ALMS1: variants seen among roughly 807,000 people sequenced by gnomAD.
The protein encoded by ALMS1 is centrosome-associated protein ALMS1.
Under a neutral mutation model 352.2 loss-of-function variants are expected in ALMS1, and 271 were observed. That is an observed-to-expected ratio of 0.77 (90% CI 0.70 to 0.85). The LOEUF is 0.85. Ranked by LOEUF, ALMS1 falls within the 40% of genes least tolerant of loss-of-function variation. The pLI, the probability that ALMS1 is intolerant of heterozygous loss-of-function variation, is 0.00. For synonymous variants in ALMS1, 1,865 were observed against 1,761.2 expected, an observed-to-expected ratio of 1.06 and a Z score of -1.48; for missense variants, 5,445 against 4,870.7, an observed-to-expected ratio of 1.12 and a Z score of -3.51.
Position 73,453,264 on chromosome 2 carries a change from C to G in ALMS1, c.6737C>G (p.Ser2246Cys). 2 of 1,613,892 alleles carry G rather than the reference C, an allele frequency of 1.2e-6. No homozygotes were observed. The highest frequency in any genetic ancestry group is 1.7e-6 in the Non-Finnish European group (2 of 1,179,978). The change falls in exon 8 of 23, where the codon TCT becomes TGT. Residue 2246 changes from serine (S) to cysteine (C), a missense_variant. Coordinates refer to ENST00000613296, the MANE Select transcript of ALMS1 (RefSeq NM_001378454.1). ...PESAGFRDVG[S>C]EEIQDAENSA... ...TCTGCAGGTTTTAGAGATGTTGGCTCTGAAGAAATCCAGGATGCAGAAAAT... is the reference window on the plus strand; with the variant it reads ...TCTGCAGGTTTTAGAGATGTTGGCTGTGAAGAAATCCAGGATGCAGAAAAT...
chr2:73,481,257 G>A (rs186187645), intron 9 of ALMS1, among the ~76,000 whole-genome samples: 67 of 152,206 alleles, frequency 4.4e-4, no homozygotes, highest in Non-Finnish European at 8.2e-4. Flanking sequence ...TTTTGTATAC[G>A]GTGTAAGGAA....
chr2:73,573,417 A>G lies in ALMS1; in HGVS notation c.11540A>G (p.His3847Arg), dbSNP rs1288402910. The G allele has an allele frequency of 1.2e-6, 2 of 1,614,034 alleles. No individual in the cohort carries two copies. The highest frequency in any genetic ancestry group is 2.2e-5 in the South Asian group (2 of 91,068). Residue 3847 changes from histidine to arginine, a missense_variant, in exon 16 of 23, where the codon CAC becomes CGC. By Grantham distance (29) the His-to-Arg change is conservative. Coordinates refer to ENST00000613296, the MANE Select transcript of ALMS1 (RefSeq NM_001378454.1). ...LVTSEHTRRR[H>R]IQVANHVISS... ...ACTTCTGAGCACACCAGAAGGAGACACATCCAGGTACATGGCTACAGATTC... is the reference window on the plus strand; with the variant it reads ...ACTTCTGAGCACACCAGAAGGAGACGCATCCAGGTACATGGCTACAGATTC...
chr2:73,544,243 A>G (rs1232122539), intron 12 of ALMS1, among the ~76,000 whole-genome samples: 2 of 152,184 alleles, frequency 1.3e-5, no homozygotes, highest in Admixed American at 6.5e-5. Flanking sequence ...GGAAACCATC[A>G]TTCTCAGCAA....
At chr2:73,541,807 G>A (rs1674189193) in intron 12 of ALMS1, among the ~76,000 whole-genome samples, 1 of 152,150 alleles carries the variant, frequency 6.6e-6, no homozygotes, top group African/African-American at 2.4e-5. Flanking sequence ...ACCTTCCCAA[G>A]ACTAAACCAG....
chr2:73,552,142 G>A (rs1483456399), intron 13 of ALMS1, among the ~76,000 whole-genome samples: 3 of 152,140 alleles, frequency 2.0e-5, no homozygotes, highest in Admixed American at 6.5e-5. Flanking sequence ...CCATGCTGGT[G>A]TGCTGCACCC....
chr2:73,595,851 A>C (rs1292358038), intron 16 of ALMS1, among the ~76,000 whole-genome samples: 1 of 152,132 alleles, frequency 6.6e-6, no homozygotes, highest in Non-Finnish European at 1.5e-5. Flanking sequence ...GTGGTATCTT[A>C]TTGTGAGTTT....
At chr2:73,418,482 C>T (rs952535560) in intron 2 of ALMS1, among the ~76,000 whole-genome samples, 6 of 152,308 alleles carry the variant, frequency 3.9e-5, no homozygotes, top group South Asian at 2.1e-4. Context: ...CTAGCATCGC[C>T]GCCACGAAGA....
chr2:73,446,981 A>G (rs1411254118), intron 7 of ALMS1, among the ~76,000 whole-genome samples: 3 of 152,172 alleles, frequency 2.0e-5, no homozygotes, highest in Non-Finnish European at 2.9e-5. Context: ...CATCTGACAC[A>G]TCATATGTTT....
chr2:73,468,756 A>G (rs1443788979), intron 9 of ALMS1, among the ~76,000 whole-genome samples: 1 of 152,036 alleles, frequency 6.6e-6, no homozygotes, highest in Non-Finnish European at 1.5e-5. Flanking sequence ...TAGTTGGATC[A>G]TTCTGCCAAT....
intron 11 of ALMS1, among the ~76,000 whole-genome samples, chr2:73,533,397 A>G (rs1673962683): frequency 6.6e-6 from 1 of 152,210 alleles, no homozygotes; most frequent in Non-Finnish European, 1.5e-5. Flanking sequence ...TGAGTTGCAT[A>G]TCTGGTGGCT....
chr2:73,518,484 C>G (rs546018813), intron 10 of ALMS1, among the ~76,000 whole-genome samples: 1 of 152,252 alleles, frequency 6.6e-6, no homozygotes, highest in East Asian at 1.9e-4. Flanking sequence ...ATGTACACAG[C>G]AATGGATTGC....
intron 3 of ALMS1, among the ~76,000 whole-genome samples, chr2:73,422,238 C>T (rs950393902): frequency 2.6e-5 from 4 of 152,262 alleles, no homozygotes; most frequent in South Asian, 4.1e-4. Flanking sequence ...TCAAGACTCT[C>T]ATGTCTGTTT....
chr2:73,595,585 G>A (rs4852935), intron 16 of ALMS1, among the ~76,000 whole-genome samples: 87 of 152,276 alleles, frequency 5.7e-4, no homozygotes, highest in Admixed American at 1.4e-3. Flanking sequence ...TGTGAATGCT[G>A]CTATTAATAC....
intron 9 of ALMS1, among the ~76,000 whole-genome samples, chr2:73,481,337 C>T (rs1454197679): frequency 6.6e-6 from 1 of 152,120 alleles, no homozygotes; most frequent in Non-Finnish European, 1.5e-5. Flanking sequence ...ACAGGGAATC[C>T]TTTCCCCATT....
At chr2:73,439,000 TTCTTCCTC>T (rs1558644460) in intron 7 of ALMS1, among the ~76,000 whole-genome samples, 1 of 151,644 alleles carries the variant, frequency 6.6e-6, no homozygotes, top group Admixed American at 6.6e-5. Flanking sequence ...CTTCTTCCTC[TTCTTCCTC>T]TCCTCCTCCT....
intron 10 of ALMS1, among the ~76,000 whole-genome samples, chr2:73,495,788 C>A (rs1361127110): frequency 6.6e-6 from 1 of 152,134 alleles, no homozygotes; most frequent in Non-Finnish European, 1.5e-5. Flanking sequence ...AAGGTTGATT[C>A]TAGCCTTTCC....
intron 3 of ALMS1, among the ~76,000 whole-genome samples, chr2:73,421,465 A>G (rs929535865): frequency 6.6e-6 from 1 of 152,160 alleles, no homozygotes; most frequent in African/African-American, 2.4e-5. Flanking sequence ...CGGAGGTTTA[A>G]GACTGCTTCT....
Position 73,573,439 on chromosome 2 carries a change from A to G in ALMS1, c.11547+15A>G, listed in dbSNP as rs1674988906. On this transcript the variant is annotated intron_variant, in intron 16 of 22. Transcript: ENST00000613296. ...GACACATCCAGGTACATGGCTACAG[A>G]TTCCATCTGGCAATGTGACTGCCCT... 1.9e-6 allele frequency: 3 copies of G among 1,613,354 alleles called. No individual in the cohort carries two copies. The highest frequency in any genetic ancestry group is 1.3e-5 in the African/African-American group (1 of 74,904).
intron 12 of ALMS1, among the ~76,000 whole-genome samples, chr2:73,536,893 T>C (rs1674041142): frequency 6.6e-6 from 1 of 152,190 alleles, no homozygotes; most frequent in African/African-American, 2.4e-5. Flanking sequence ...ACAGTAAGCG[T>C]TAGCATTTTA....
Sources: allele counts gnomAD v4.1 joint callset (sites outside exome capture counted in the v4.1 genomes callset), GRCh38; gene constraint gnomAD v4.1.1; transcripts MANE v1.5; gene names NCBI Gene and HGNC (gene_info 2026-07-23, HGNC 2026-07-21).